Variants in HCN1 observed in about 807,000 individuals in gnomAD.
HCN1 encodes hyperpolarization activated cyclic nucleotide gated potassium channel 1.
A neutral mutation model predicts 78.9 loss-of-function variants in HCN1; 13 were observed. The observed-to-expected ratio is 0.16, with a 90% confidence interval of 0.11 to 0.26. The LOEUF (loss-of-function observed/expected upper bound fraction) is 0.26, where lower values mean the gene tolerates loss of function less well. HCN1 is among the 10% of genes least tolerant of loss of function. HCN1 has a pLI of 1.00. For missense variants in HCN1, 810 were observed against 1,154.3 expected, an observed-to-expected ratio of 0.70 and a Z score of 4.32; for synonymous variants, 552 against 455.5, an observed-to-expected ratio of 1.21 and a Z score of -2.70.
chr5:45,401,475 T>G, intron 3 of HCN1, among the ~76,000 whole-genome samples: 1 of 152,242 alleles, frequency 6.6e-6, no homozygotes, highest in East Asian at 1.9e-4. Context: ...TAATTACTCA[T>G]ATAAATATTT....
intron 1 of HCN1, among the ~76,000 whole-genome samples, chr5:45,658,747 G>T (rs944179696): frequency 1.3e-5 from 2 of 151,956 alleles, no homozygotes; most frequent in Admixed American, 6.6e-5. Context: ...TTTTCAGACC[G>T]GCTTAAAAAA....
In HCN1 at chr5:45,267,172, T is replaced by C. The variant is rs1359790932; in HGVS notation, c.1700A>G (p.Asp567Gly). The C allele has an allele frequency of 1.2e-6, 2 of 1,614,056 alleles. No homozygotes were observed. The highest frequency in any genetic ancestry group is 1.1e-5 in the South Asian group (1 of 91,088). ...TTCCTCCAGGACCTCGTTGAAATTGTCCACGGAAAGTGAGTAAAGACGACA... is the reference window on the plus strand; with the variant it reads ...TTCCTCCAGGACCTCGTTGAAATTGCCCACGGAAAGTGAGTAAAGACGACA... ...TYCRLYSLSV[D>G]NFNEVLEEYP... The change falls in exon 7 of 8, where the codon GAC becomes GGC. Residue 567 changes from aspartate to glycine, a missense_variant. Transcript: ENST00000303230.
chr5:45,293,174 C>G (rs534359517), intron 6 of HCN1, among the ~76,000 whole-genome samples: 2 of 152,144 alleles, frequency 1.3e-5, no homozygotes, highest in Admixed American at 1.3e-4. Context: ...AATTACAACA[C>G]TGTCTTCCAC....
intron 4 of HCN1, among the ~76,000 whole-genome samples, chr5:45,365,053 A>G (rs1240821032): frequency 6.6e-6 from 1 of 152,100 alleles, no homozygotes; most frequent in African/African-American, 2.4e-5. Context: ...AATATGTTCT[A>G]AAATATTATT....
intron 6 of HCN1, among the ~76,000 whole-genome samples, chr5:45,269,993 T>C (rs1430265357): frequency 6.6e-6 from 1 of 152,218 alleles, no homozygotes; most frequent in African/African-American, 2.4e-5. Flanking sequence ...TGAATAGCAC[T>C]GGTTTATCCA....
intron 2 of HCN1, among the ~76,000 whole-genome samples, chr5:45,522,929 A>G (rs1219632177): frequency 6.6e-6 from 1 of 151,934 alleles, no homozygotes; most frequent in Non-Finnish European, 1.5e-5. Context: ...ACATATGTAT[A>G]CATGTGCCAT....
chr5:45,569,026 G>C (rs931624254), intron 2 of HCN1, among the ~76,000 whole-genome samples: 2 of 151,942 alleles, frequency 1.3e-5, no homozygotes, highest in Non-Finnish European at 2.9e-5. Flanking sequence ...CACTCCCCTG[G>C]AGATCCTTTT....
chr5:45,648,413 G>A (rs774086882), intron 1 of HCN1, among the ~76,000 whole-genome samples: 5 of 151,980 alleles, frequency 3.3e-5, no homozygotes, highest in Non-Finnish European at 5.9e-5. Context: ...CTCAATACCA[G>A]TAGGAAACTC....
chr5:45,593,200 A>G (rs966564974), intron 2 of HCN1, among the ~76,000 whole-genome samples: 4 of 128,794 alleles, frequency 3.1e-5, no homozygotes, highest in Admixed American at 8.8e-5. Flanking sequence ...GCACGCGCGC[A>G]TGCACGCACG....
chr5:45,468,457 T>G (rs1207687881), intron 2 of HCN1, among the ~76,000 whole-genome samples: 1 of 152,016 alleles, frequency 6.6e-6, no homozygotes, highest in East Asian at 1.9e-4. Context: ...TTTCAGTTAT[T>G]TTTTAGAAAC....
chr5:45,667,464 A>G (rs1369408110), intron 1 of HCN1, among the ~76,000 whole-genome samples: 2 of 152,058 alleles, frequency 1.3e-5, no homozygotes, highest in Non-Finnish European at 2.9e-5. Context: ...ACTGAAAACT[A>G]TAATTCCAAG....
chr5:45,450,101 G>C (rs1740887940), intron 3 of HCN1, among the ~76,000 whole-genome samples: 1 of 152,214 alleles, frequency 6.6e-6, no homozygotes, highest in Non-Finnish European at 1.5e-5. Flanking sequence ...AAAATGCTGG[G>C]ATTACAGGCG....
intron 3 of HCN1, among the ~76,000 whole-genome samples, chr5:45,458,422 G>C (rs150412829): frequency 6.6e-6 from 1 of 152,130 alleles, no homozygotes; most frequent in South Asian, 2.1e-4. Flanking sequence ...CAAGAAAGAC[G>C]AGTGCATTCC....
chr5:45,371,640 C>T (rs541470866), intron 4 of HCN1, among the ~76,000 whole-genome samples: 3 of 150,536 alleles, frequency 2.0e-5, no homozygotes, highest in South Asian at 4.2e-4. Flanking sequence ...GCCTGTAATC[C>T]CAGCTACTCG....
chr5:45,304,331 G>A (rs1348387393), intron 5 of HCN1, among the ~76,000 whole-genome samples: 2 of 151,382 alleles, frequency 1.3e-5, no homozygotes, highest in South Asian at 2.1e-4. Context: ...TCACATTAGA[G>A]TGAGGACAAT....
intron 2 of HCN1, among the ~76,000 whole-genome samples, chr5:45,494,452 T>C (rs943498561): frequency 1.3e-5 from 2 of 151,604 alleles, no homozygotes; most frequent in African/African-American, 2.4e-5. Flanking sequence ...GGGTTGTTTG[T>C]TTTTTTCTTG....
At chr5:45,550,747 A>T (rs79713119) in intron 2 of HCN1, among the ~76,000 whole-genome samples, 5,827 of 152,120 alleles carry the variant, frequency 0.038, 198 homozygotes, top group Non-Finnish European at 0.052. Context: ...TGTTAGCTTA[A>T]ACTTGAAAAT....
At chr5:45,364,988 C>T (rs1747203842) in intron 4 of HCN1, among the ~76,000 whole-genome samples, 2 of 151,886 alleles carry the variant, frequency 1.3e-5, no homozygotes, top group Admixed American at 6.6e-5. Context: ...ACTGAAATTA[C>T]CTGTGTTCTT....
chr5:45,666,927 G>A (rs1434242080), intron 1 of HCN1, among the ~76,000 whole-genome samples: 2 of 151,892 alleles, frequency 1.3e-5, no homozygotes, highest in Non-Finnish European at 2.9e-5. Context: ...TCAGGGGGGT[G>A]GGAATGATTA....
Sources: allele counts gnomAD v4.1 joint callset (sites outside exome capture counted in the v4.1 genomes callset), GRCh38; gene constraint gnomAD v4.1.1; transcripts MANE v1.5; gene names NCBI Gene and HGNC (gene_info 2026-07-23, HGNC 2026-07-21).